The following EPAS1 variants were observed in gnomAD, a reference collection of about 807,000 sequenced individuals.
EPAS1 encodes the protein endothelial PAS domain-containing protein 1.
Under a neutral mutation model 87.9 loss-of-function variants are expected in EPAS1, and 23 were observed. The observed-to-expected ratio is 0.26, with a 90% CI of 0.19 to 0.37. The LOEUF (loss-of-function observed/expected upper bound fraction) is 0.37. Among genes scored for constraint, EPAS1 ranks in the 10% least tolerant of loss-of-function variants. The probability of loss-of-function intolerance (pLI) is 1.00; values close to 1 mark genes in which losing one functional copy is unlikely to be tolerated. For synonymous variants in EPAS1, 508 were observed against 444.3 expected, an observed-to-expected ratio of 1.14 and a Z score of -1.80; for missense variants, 1,138 against 1,120.7, an observed-to-expected ratio of 1.02 and a Z score of -0.22.
chr2:46,362,234 C>G (rs964264565), intron 6 of EPAS1, among the ~76,000 whole-genome samples: 7 of 152,152 alleles, frequency 4.6e-5, no homozygotes, highest in Admixed American at 1.3e-4. Flanking sequence ...CTCAGGAAAC[C>G]CTCAGATCTC....
intron 1 of EPAS1, among the ~76,000 whole-genome samples, chr2:46,316,481 G>A (rs529377415): frequency 6.6e-6 from 1 of 152,262 alleles, no homozygotes; most frequent in South Asian, 2.1e-4. Context: ...GGCTGGTCTC[G>A]AACTACTGGC....
chr2:46,356,127 T>TGG, intron 2 of EPAS1, 24 bp from the exon 3 acceptor site: 2 of 1,395,460 alleles, frequency 1.4e-6, no homozygotes, highest in Non-Finnish European at 2.0e-6. Flanking sequence ...TCATGCAAGC[T>TGG]GTCCCACCCC....
At position 46,297,837 on chromosome 2, in the gene EPAS1, C is replaced by G. The variant is rs2104831246; in HGVS notation, c.-75C>G. 6.4e-7 allele frequency: 1 copy of G among 1,568,228 alleles called. No individual in the cohort carries two copies. On this transcript the variant is annotated 5_prime_UTR_variant, in exon 1 of 16. Transcript: ENST00000263734. ...ACCCGCCCGGGCCGCGGGGAGCGGA[C>G]GAGGGCCACAGCCCCCCACCCGCCA...
intron 7 of EPAS1, among the ~76,000 whole-genome samples, chr2:46,372,284 G>A (rs1558607323): frequency 1.3e-5 from 2 of 152,164 alleles, no homozygotes; most frequent in Non-Finnish European, 2.9e-5. Flanking sequence ...GTTATGACAC[G>A]AGCTTGCCCC....
chr2:46,330,206 G>A (rs529734815), intron 1 of EPAS1, among the ~76,000 whole-genome samples: 35 of 152,112 alleles, frequency 2.3e-4, no homozygotes, highest in Admixed American at 3.9e-4. Flanking sequence ...CCTGACCCCC[G>A]TGATGGCATG....
intron 1 of EPAS1, among the ~76,000 whole-genome samples, chr2:46,301,746 T>C (rs577332074): frequency 3.3e-5 from 5 of 151,096 alleles, no homozygotes; most frequent in African/African-American, 4.9e-5. Context: ...CTGAACCTTA[T>C]AGAAAGGAGA....
intron 1 of EPAS1, among the ~76,000 whole-genome samples, chr2:46,336,771 G>A (rs1240980209): frequency 6.6e-6 from 1 of 152,192 alleles, no homozygotes; most frequent in African/African-American, 2.4e-5. Context: ...CATCCTCTGA[G>A]GGTTGTTAGG....
Position 46,385,719 on chromosome 2 carries a change from G to C in EPAS1, c.*1059G>C, listed in dbSNP as rs1293553761. On this transcript the variant is annotated 3_prime_UTR_variant, in exon 16 of 16. Transcript: ENST00000263734. The stretch of plus-strand genomic sequence containing the variant: ...TATGTATTATTATTATTGCTGCCAA[G>C]AGGGTCTGATGGCACGTTGTGGGGT... 1 of 151,462 alleles carries C rather than the reference G, an allele frequency of 6.6e-6. No homozygotes were observed. The allele number at this position is 151,462 out of a possible 1,614,324, so 9.4% of individuals were successfully genotyped here.
At chr2:46,366,262 G>A (rs1007464955) in intron 6 of EPAS1, among the ~76,000 whole-genome samples, 5 of 152,316 alleles carry the variant, frequency 3.3e-5, no homozygotes, top group Middle Eastern at 3.4e-3. Context: ...ATTTTTTTGC[G>A]AGCACTCTGC....
intron 1 of EPAS1, among the ~76,000 whole-genome samples, chr2:46,310,435 C>A (rs1414220015): frequency 6.6e-6 from 1 of 152,216 alleles, no homozygotes; most frequent in Non-Finnish European, 1.5e-5. Context: ...TCAATTTCTA[C>A]CAATAACTGT....
intron 11 of EPAS1, among the ~76,000 whole-genome samples, chr2:46,379,252 A>C (rs1327429175): frequency 6.6e-6 from 1 of 152,242 alleles, no homozygotes; most frequent in Non-Finnish European, 1.5e-5. Context: ...TTATTACATA[A>C]GGCCAATGTT....
At chr2:46,379,948 G>A (rs1684848300) in intron 11 of EPAS1, 1 of 527,772 alleles carries the variant, frequency 1.9e-6, no homozygotes, top group African/African-American at 1.9e-5. Flanking sequence ...AGAGAAGGCG[G>A]GCTCCGGACA....
chr2:46,311,100 G>A (rs1415836366), intron 1 of EPAS1, among the ~76,000 whole-genome samples: 1 of 152,112 alleles, frequency 6.6e-6, no homozygotes, highest in African/African-American at 2.4e-5. Context: ...GGATGGTCTC[G>A]ATCTCCTGAC....
At position 46,382,486 on chromosome 2, in the gene EPAS1, A is replaced by G. The variant is rs761586421; in HGVS notation, c.2349A>G (p.Pro783=). Residue 783 remains proline, a synonymous_variant, in exon 15 of 16, where the codon CCA becomes CCG. Coordinates refer to ENST00000263734, the MANE Select transcript of EPAS1 (RefSeq NM_001430.5). ...LGHPLRHLPL[P]QPPSAISPGE... is the part of the protein sequence containing the mutation. ...ATCCCCTGAGACATCTGCCGCTGCC[A>G]CAGCCTCCATCTGCCATCAGTCCCG... 2 of 1,614,134 alleles carry G rather than the reference A, an allele frequency of 1.2e-6. No homozygotes were observed. The highest frequency in any genetic ancestry group is 1.7e-6 in the Non-Finnish European group (2 of 1,180,022).
chr2:46,364,505 A>G (rs1005047258), intron 6 of EPAS1, among the ~76,000 whole-genome samples: 11 of 152,250 alleles, frequency 7.2e-5, no homozygotes, highest in Non-Finnish European at 1.5e-5. Context: ...GAAACAACCT[A>G]TTCTGAAACA....
chr2:46,307,734 T>C (rs1020090039), intron 1 of EPAS1, among the ~76,000 whole-genome samples: 4 of 152,184 alleles, frequency 2.6e-5, no homozygotes, highest in Admixed American at 2.6e-4. Flanking sequence ...CCCTGCCGAC[T>C]GACTGGAAGG....
In EPAS1 at chr2:46,384,364, T is replaced by C. The variant is rs1684962761; in HGVS notation, c.2462-145T>C. The C allele has an allele frequency of 3.4e-6, 4 of 1,160,602 alleles. No homozygotes were observed. In the African/African-American group the frequency reaches 4.5e-5, roughly 13 times the overall value. 71.9% of individuals were successfully genotyped at this position (1,160,602 alleles called of 1,614,324 possible). A position where few individuals can be genotyped will look rare whatever the true frequency, so the allele number is the denominator to read the frequency against. ...TGGAGGCAGACACGTTCCCCGGGCA[T>C]GCAGCAGGCCGTGGGACAGACACCA... is the stretch of plus-strand genomic sequence containing the variant. On this transcript the variant is annotated intron_variant, in intron 15 of 15. Coordinates refer to ENST00000263734, the MANE Select transcript of EPAS1 (RefSeq NM_001430.5).
In EPAS1 at chr2:46,361,371, G is replaced by A. The variant is rs549876852; in HGVS notation, c.779+281G>A. ...GTGGTGTGAACATATTTCTCCATAC[G>A]TGTATCAGGCTCCTGAGGAAATTCT... On this transcript the variant is annotated intron_variant, in intron 6 of 15. Transcript: ENST00000263734. Among the ~76,000 whole-genome samples, 3 of 152,272 alleles carry A rather than the reference G, an allele frequency of 2.0e-5. No homozygotes were observed. In the South Asian group the frequency reaches 6.2e-4, roughly 32 times the overall value.
intron 1 of EPAS1, among the ~76,000 whole-genome samples, chr2:46,337,610 G>A (rs1038422291): frequency 6.6e-6 from 1 of 152,214 alleles, no homozygotes; most frequent in Non-Finnish European, 1.5e-5. Context: ...GTAGGAACAG[G>A]ATGGCAGCAC....
Sources: allele counts gnomAD v4.1 joint callset (sites outside exome capture counted in the v4.1 genomes callset), GRCh38; gene constraint gnomAD v4.1.1; transcripts MANE v1.5; gene names NCBI Gene and HGNC (gene_info 2026-07-23, HGNC 2026-07-21).